KIRREL3: variants seen among roughly 807,000 people sequenced by gnomAD.
KIRREL3 encodes the protein kin of IRRE-like protein 3.
KIRREL3 carries 36 observed loss-of-function variants against 89.7 expected under a neutral mutation model. The ratio of observed to expected loss-of-function variants is 0.40; its 90% CI spans 0.31 to 0.53. The LOEUF is 0.53. Ranked by LOEUF, KIRREL3 falls within the 20% of genes least tolerant of loss-of-function variation. The probability of loss-of-function intolerance (pLI) is 0.49; values close to 1 mark genes in which losing one functional copy is unlikely to be tolerated. For synonymous variants in KIRREL3, 445 were observed against 441.4 expected, an observed-to-expected ratio of 1.01 and a Z score of -0.10; for missense variants, 864 against 1,056.6, an observed-to-expected ratio of 0.82 and a Z score of 2.53.
At chr11:126,582,712 T>C (rs1240843625) in intron 1 of KIRREL3, among the ~76,000 whole-genome samples, 1 of 152,154 alleles carries the variant, frequency 6.6e-6, no homozygotes, top group Non-Finnish European at 1.5e-5. Context: ...TGCAAACATG[T>C]TGTAAGATCA....
intron 1 of KIRREL3, among the ~76,000 whole-genome samples, chr11:126,982,822 C>T (rs1027038954): frequency 6.6e-6 from 1 of 152,198 alleles, no homozygotes; most frequent in African/African-American, 2.4e-5. Flanking sequence ...TGTTGTTGCT[C>T]ATCTCTATTT....
chr11:126,592,101 C>T (rs1347813203), intron 1 of KIRREL3, among the ~76,000 whole-genome samples: 1 of 152,116 alleles, frequency 6.6e-6, no homozygotes, highest in Non-Finnish European at 1.5e-5. Flanking sequence ...AAATAACATT[C>T]CAGGGCCTTT....
In KIRREL3 at chr11:126,778,518, T is replaced by C. The variant is rs985191024; in HGVS notation, c.56-215606A>G. ...CAATTGTTGGAATTTGTATTACTTT[T>C]ATGTTTTTGCTATAACAACAATGCT... is the stretch of plus-strand genomic sequence containing the variant. On this transcript the variant is annotated intron_variant, in intron 1 of 16. Transcript: ENST00000525144. This position sits in a 1 kb window ranked among gnomAD's most constrained non-coding sequence, Gnocchi z 4.5. Among the ~76,000 whole-genome samples, 10 of 152,254 alleles carry C rather than the reference T, an allele frequency of 6.6e-5. No homozygotes were observed. The highest frequency in any genetic ancestry group is 1.9e-4 in the African/African-American group (8 of 41,472).
chr11:126,763,395 C>A lies in KIRREL3; in HGVS notation c.56-200483G>T, dbSNP rs977983265. ...TCACTTCCTCCATCTGCTCAGCACC[C>A]AACAGTGCTCTGATGCAGGGGGAGA... On this transcript the variant is annotated intron_variant, in intron 1 of 16. Transcript: ENST00000525144. The surrounding 1 kb of genome is among the most constrained non-coding windows in gnomAD (Gnocchi z 4.7). Among the ~76,000 whole-genome samples the A allele has an allele frequency of 6.6e-6, 1 of 152,176 alleles. No individual in the cohort carries two copies. Among genetic ancestry groups the A allele is most frequent in the African/African-American group, 2.4e-5 (1 of 41,442 alleles).
chr11:126,835,981 G>A (rs1323565917), intron 1 of KIRREL3, among the ~76,000 whole-genome samples: 2 of 152,142 alleles, frequency 1.3e-5, no homozygotes, highest in Non-Finnish European at 2.9e-5. Flanking sequence ...CGTCTTTGAC[G>A]ATACTTGGTA....
chr11:126,759,464 C>G (rs1949605506), intron 1 of KIRREL3, among the ~76,000 whole-genome samples: 2 of 152,170 alleles, frequency 1.3e-5, no homozygotes, highest in Non-Finnish European at 2.9e-5. Context: ...TATATTAGAA[C>G]CAGAGCACGT....
chr11:126,532,027 C>A (rs1958959622), intron 2 of KIRREL3, among the ~76,000 whole-genome samples: 1 of 152,182 alleles, frequency 6.6e-6, no homozygotes, highest in African/African-American at 2.4e-5. Flanking sequence ...GGGCTGGAGT[C>A]TCTAGGAATC....
Position 126,983,798 on chromosome 11 carries a change from C to T in KIRREL3, c.55+16657G>A, listed in dbSNP as rs975573920. Reference sequence around the variant, plus strand: ...ACATTTGTGTTGTTTTAAGCCACTACGTCTGTGGTAACATGTTAACAGCAG... The same window carrying T: ...ACATTTGTGTTGTTTTAAGCCACTATGTCTGTGGTAACATGTTAACAGCAG... On this transcript the variant is annotated intron_variant, in intron 1 of 16. Coordinates refer to ENST00000525144, the MANE Select transcript of KIRREL3 (RefSeq NM_032531.4). The surrounding 1 kb of genome is among the most constrained non-coding windows in gnomAD (Gnocchi z 4.9). 6.6e-6 allele frequency among the ~76,000 whole-genome samples: 1 copy of T among 152,210 alleles called. No homozygotes were observed. Among genetic ancestry groups the T allele is most frequent in the Non-Finnish European group, 1.5e-5 (1 of 68,038 alleles).
chr11:126,513,145 G>T lies in KIRREL3; in HGVS notation c.433+8170C>A, dbSNP rs989225758. ...TGGTGATGGGGGTGCAGCCACTGGG[G>T]CCAGGCAACAGCAGGAGGCTGAACC... On this transcript the variant is annotated intron_variant, in intron 4 of 16. Transcript: ENST00000525144. This position sits in a 1 kb window ranked among gnomAD's most constrained non-coding sequence, Gnocchi z 5.9. Among the ~76,000 whole-genome samples the T allele has an allele frequency of 7.2e-5, 11 of 152,188 alleles. No individual in the cohort carries two copies. Among genetic ancestry groups the T allele is most frequent in the Non-Finnish European group, 1.6e-4 (11 of 68,028 alleles).
At chr11:126,650,793 C>T (rs1311045968) in intron 1 of KIRREL3, among the ~76,000 whole-genome samples, 2 of 152,158 alleles carry the variant, frequency 1.3e-5, no homozygotes, top group Non-Finnish European at 1.5e-5. Flanking sequence ...TTTTTAGCAA[C>T]TCTACTGGTA....
chr11:126,562,972 G>A lies in KIRREL3; in HGVS notation c.56-60C>T. The A allele has an allele frequency of 1.5e-6, 2 of 1,338,598 alleles. No individual in the cohort carries two copies. Among genetic ancestry groups the A allele is most frequent in the South Asian group, 2.4e-5 (2 of 82,092 alleles). The allele number at this position is 1,338,598 out of a possible 1,614,324, so 82.9% of individuals were successfully genotyped here. ...GGGAACAGGTCAGGCATTGTTGGGG[G>A]GCCCTCTGCAGGGGGCTGTGGAGCT... On this transcript the variant is annotated intron_variant, in intron 1 of 16. Transcript: ENST00000525144. The surrounding 1 kb of genome is among the most constrained non-coding windows in gnomAD (Gnocchi z 4.7).
At chr11:126,841,465 G>C (rs990556820) in intron 1 of KIRREL3, among the ~76,000 whole-genome samples, 2 of 152,186 alleles carry the variant, frequency 1.3e-5, no homozygotes, top group Non-Finnish European at 2.9e-5. Context: ...CCTAAAAAAA[G>C]ACTCTCCTGT....
intron 1 of KIRREL3, among the ~76,000 whole-genome samples, chr11:126,947,112 T>G (rs1270432289): frequency 6.6e-6 from 1 of 152,106 alleles, no homozygotes; most frequent in African/African-American, 2.4e-5. Flanking sequence ...AATAACTCCC[T>G]CCCTCACAGT....
Position 126,703,891 on chromosome 11 carries a change from G to A in KIRREL3, c.56-140979C>T, listed in dbSNP as rs917670449. ...TCACTCAAGGGCCAGTGCTGGCAGC[G>A]GTTATGCTGGGGACATCTACATACC... On this transcript the variant is annotated intron_variant, in intron 1 of 16. Transcript: ENST00000525144. The surrounding 1 kb of genome is among the most constrained non-coding windows in gnomAD (Gnocchi z 4.6). Among the ~76,000 whole-genome samples the A allele has an allele frequency of 3.3e-5, 5 of 152,156 alleles. No individual in the cohort carries two copies. Among genetic ancestry groups the A allele is most frequent in the East Asian group, 1.9e-4 (1 of 5,184 alleles).
rs1957353969 is a variant in KIRREL3, at chr11:126,486,180, C to A, written c.434-12714G>T. On this transcript the variant is annotated intron_variant, in intron 4 of 16. Coordinates refer to ENST00000525144, the MANE Select transcript of KIRREL3 (RefSeq NM_032531.4). The surrounding 1 kb of genome is among the most constrained non-coding windows in gnomAD (Gnocchi z 6.2). ...GGAGCTGCAGTGATTTGCACTCAAGCAGACCAGTGTGCCTGTGCCGGCTCC... is the reference window on the plus strand; with the variant it reads ...GGAGCTGCAGTGATTTGCACTCAAGAAGACCAGTGTGCCTGTGCCGGCTCC... 6.6e-6 allele frequency among the ~76,000 whole-genome samples: 1 copy of A among 152,144 alleles called. No individual in the cohort carries two copies. The highest frequency in any genetic ancestry group is 2.4e-5 in the African/African-American group (1 of 41,424).
At chr11:126,634,135 G>A (rs1200421775) in intron 1 of KIRREL3, among the ~76,000 whole-genome samples, 1 of 152,090 alleles carries the variant, frequency 6.6e-6, no homozygotes, top group Non-Finnish European at 1.5e-5. Flanking sequence ...ATCCAGTGTC[G>A]AAGGCCAATT....
intron 4 of KIRREL3, among the ~76,000 whole-genome samples, chr11:126,514,144 G>A (rs909128924): frequency 2.6e-5 from 4 of 152,084 alleles, no homozygotes; most frequent in Non-Finnish European, 5.9e-5. Context: ...TAGGGGGAGC[G>A]AGATGTACAA....
chr11:126,898,130 A>T lies in KIRREL3; in HGVS notation c.55+102325T>A, dbSNP rs1414575587. 6.6e-6 allele frequency among the ~76,000 whole-genome samples: 1 copy of T among 152,176 alleles called. No homozygotes were observed. Among genetic ancestry groups the T allele is most frequent in the African/African-American group, 2.4e-5 (1 of 41,448 alleles). ...CCCAGGTGGTGTTTGCCCTGGTTCCAGTCTCTGATGCCACAGTCGCCTATC... is the reference window on the plus strand; with the variant it reads ...CCCAGGTGGTGTTTGCCCTGGTTCCTGTCTCTGATGCCACAGTCGCCTATC... On this transcript the variant is annotated intron_variant, in intron 1 of 16. Coordinates refer to ENST00000525144, the MANE Select transcript of KIRREL3 (RefSeq NM_032531.4). This position sits in a 1 kb window ranked among gnomAD's most constrained non-coding sequence, Gnocchi z 4.9.
intron 1 of KIRREL3, among the ~76,000 whole-genome samples, chr11:126,701,864 T>A (rs1232112740): frequency 6.6e-6 from 1 of 152,186 alleles, no homozygotes; most frequent in East Asian, 1.9e-4. Context: ...AGAGGTGCCA[T>A]GAAAGATTTT....
Sources: allele counts gnomAD v4.1 joint callset (sites outside exome capture counted in the v4.1 genomes callset), GRCh38; gene constraint gnomAD v4.1.1; non-coding constraint Gnocchi (gnomAD v3.1); transcripts MANE v1.5; gene names NCBI Gene and HGNC (gene_info 2026-07-23, HGNC 2026-07-21).